The following CWC22 variants were observed in gnomAD, a reference collection of about 807,000 sequenced individuals.
CWC22 encodes the protein pre-mRNA-splicing factor CWC22 homolog.
CWC22 carries 53 observed loss-of-function variants against 117.2 expected under a neutral mutation model. That is an observed-to-expected ratio of 0.45 (90% CI 0.36 to 0.57). The LOEUF (loss-of-function observed/expected upper bound fraction) is 0.57, where lower values mean the gene tolerates loss of function less well. Among genes scored for constraint, CWC22 ranks in the 20% least tolerant of loss-of-function variants. CWC22 has a pLI of 0.00. For missense variants in CWC22, 980 were observed against 1,068.8 expected, an observed-to-expected ratio of 0.92 and a Z score of 1.16; for synonymous variants, 360 against 355.6, an observed-to-expected ratio of 1.01 and a Z score of -0.14.
Position 179,967,977 on chromosome 2 carries a change from T to C in CWC22, c.1211-1995A>G, listed in dbSNP as rs115633649. Among the ~76,000 whole-genome samples the C allele has an allele frequency of 7.3e-3, 1,108 of 152,302 alleles. 20 individuals are homozygous for C. The highest frequency in any genetic ancestry group is 0.025 in the African/African-American group (1,042 of 41,572). ...GAAAACATTAGGGTTTTCAAGAATT[T>C]TGAAAAACCTATATCCATCTCTGTG... is the stretch of plus-strand genomic sequence containing the variant. On this transcript the variant is annotated intron_variant, in intron 11 of 19. Coordinates refer to ENST00000410053, the MANE Select transcript of CWC22 (RefSeq NM_020943.3).
chr2:179,988,647 T>A lies in CWC22; in HGVS notation c.28-3A>T. On this transcript the variant is annotated splice_region_variant and splice_polypyrimidine_tract_variant and intron_variant, in intron 2 of 19. Transcript: ENST00000410053. ...CTTCTGTCATGACCAGAAGAAGGCT[T>A]TAAAAGAGGAAAAGGGGAAAACATT... is the stretch of plus-strand genomic sequence containing the variant. The A allele has an allele frequency of 3.4e-6, 5 of 1,479,658 alleles. No individual in the cohort carries two copies. Among genetic ancestry groups the A allele is most frequent in the Non-Finnish European group, 4.6e-6 (5 of 1,097,428 alleles). 91.7% of individuals were successfully genotyped at this position (1,479,658 alleles called of 1,614,324 possible).
rs747840447 is a variant in CWC22 at position 179,964,550 on chromosome 2, G to A, written c.1394C>T (p.Ser465Leu). Residue 465 changes from serine to leucine, a missense_variant, in exon 13 of 20, where the codon TCA becomes TTA. Transcript: ENST00000410053. ...FRRTIYLAIQ[S>L]SLDFEECAHK... ...GAACTGAGATATGATGCCTTACCTTGACTGAATAGCAAGATAAATTGTACG... is the reference window on the plus strand; with the variant it reads ...GAACTGAGATATGATGCCTTACCTTAACTGAATAGCAAGATAAATTGTACG... 2.6e-5 allele frequency: 40 copies of A among 1,541,844 alleles called. No homozygotes were observed. Among genetic ancestry groups the A allele is most frequent in the Non-Finnish European group, 1.3e-5 (15 of 1,130,910 alleles).
intron 13 of CWC22, among the ~76,000 whole-genome samples, chr2:179,959,959 AAACC>A (rs1347392481): frequency 6.6e-6 from 1 of 152,078 alleles, no homozygotes; most frequent in African/African-American, 2.4e-5. Context: ...TTACTTTCTC[AAACC>A]AACCAACTTC....
chr2:180,006,649 C>CATTAATAGTGCCA (rs1403609612), intron 1 of CWC22, among the ~76,000 whole-genome samples: 16 of 152,172 alleles, frequency 1.1e-4, no homozygotes, highest in African/African-American at 3.4e-4. Context: ...AACTAGATCT[C>CATTAATAGTGCCA]ATTAATCCCA....
intron 6 of CWC22, among the ~76,000 whole-genome samples, chr2:179,976,483 A>G (rs1200979657): frequency 1.8e-5 from 2 of 108,486 alleles, no homozygotes; most frequent in African/African-American, 7.4e-5. Flanking sequence ...GATGACCTAC[A>G]GAATGGGAGA....
intron 4 of CWC22, among the ~76,000 whole-genome samples, chr2:179,986,434 A>G (rs113741594): frequency 2.0e-3 from 312 of 152,236 alleles, no homozygotes; most frequent in African/African-American, 6.9e-3. Flanking sequence ...GCTTGCCACT[A>G]TTATGTTTCA....
chr2:180,006,488 G>C (rs534898589), intron 1 of CWC22, among the ~76,000 whole-genome samples: 2 of 152,296 alleles, frequency 1.3e-5, no homozygotes, highest in South Asian at 2.1e-4. Context: ...GAGAAGCGAA[G>C]TGTCTTCAAG....
Position 179,962,735 on chromosome 2 carries a change from T to C in CWC22, c.1397+1812A>G, listed in dbSNP as rs188757120. Among the ~76,000 whole-genome samples, 49 of 152,152 alleles carry C rather than the reference T, an allele frequency of 3.2e-4. No homozygotes were observed. In the East Asian group the frequency reaches 8.9e-3, roughly 28 times the overall value. ...TAATAAAAACAAGGGTCAAATAGCATGAACAAAAAGCCCTTGATTCACATT... is the reference window on the plus strand; with the variant it reads ...TAATAAAAACAAGGGTCAAATAGCACGAACAAAAAGCCCTTGATTCACATT... On this transcript the variant is annotated intron_variant, in intron 13 of 19. Transcript: ENST00000410053.
At chr2:179,961,469 T>C (rs1179358332) in intron 13 of CWC22, among the ~76,000 whole-genome samples, 1 of 152,020 alleles carries the variant, frequency 6.6e-6, no homozygotes, top group East Asian at 1.9e-4. Flanking sequence ...AGAGATTATA[T>C]AACAGATAAT....
intron 4 of CWC22, among the ~76,000 whole-genome samples, chr2:179,985,895 A>G (rs1342756825): frequency 6.6e-6 from 1 of 152,068 alleles, no homozygotes; most frequent in Non-Finnish European, 1.5e-5. Context: ...TTCCCCATGG[A>G]TAAGTGGGGA....
chr2:179,975,486 A>G (rs1217047586), intron 6 of CWC22, among the ~76,000 whole-genome samples: 8 of 152,258 alleles, frequency 5.3e-5, no homozygotes, highest in Admixed American at 5.2e-4. Context: ...AATCAAAAAT[A>G]GAGAAGCCTG....
chr2:179,948,452 A>G (rs1686364099), intron 19 of CWC22, among the ~76,000 whole-genome samples: 1 of 152,162 alleles, frequency 6.6e-6, no homozygotes, highest in African/African-American at 2.4e-5. Flanking sequence ...GCTGGAGGAA[A>G]AAGAGATTTG....
At chr2:180,005,306 G>A (rs1388935725) in intron 1 of CWC22, among the ~76,000 whole-genome samples, 2 of 152,216 alleles carry the variant, frequency 1.3e-5, no homozygotes, top group African/African-American at 2.4e-5. Context: ...AGCCGGGAGC[G>A]GTGGCTCACG....
chr2:179,973,869 T>A, intron 6 of CWC22, 67 bp from the exon 7 acceptor site: 1 of 865,036 alleles, frequency 1.2e-6, no homozygotes, highest in Non-Finnish European at 1.7e-6. Flanking sequence ...AAACAAAAAC[T>A]ATTAAAATTC....
In CWC22 at chr2:179,949,336, A is replaced by C. The variant is rs185721780; in HGVS notation, c.2140+1176T>G. ...GTAAAGAAAACCTACAAATCAACAG[A>C]GAAAACAACTTAACTAAAAAAAATT... On this transcript the variant is annotated intron_variant, in intron 19 of 19. Coordinates refer to ENST00000410053, the MANE Select transcript of CWC22 (RefSeq NM_020943.3). Among the ~76,000 whole-genome samples the C allele has an allele frequency of 1.9e-3, 285 of 152,360 alleles. 1 individual carries two copies. The highest frequency in any genetic ancestry group is 2.4e-3 in the Non-Finnish European group (161 of 68,038).
In CWC22 at chr2:179,970,870, GA is replaced by G; in HGVS notation, c.941-15del. ...GTTCAAATATAGCTAAAAGTTAACA[GA>G]AAGAAAAGACAATAAAATAAGCAAT... On this transcript the variant is annotated splice_polypyrimidine_tract_variant and intron_variant, in intron 9 of 19. Coordinates refer to ENST00000410053, the MANE Select transcript of CWC22 (RefSeq NM_020943.3). 1.2e-6 allele frequency: 2 copies of G among 1,610,068 alleles called. No homozygotes were observed. The highest frequency in any genetic ancestry group is 1.7e-6 in the Non-Finnish European group (2 of 1,177,054).
intron 6 of CWC22, among the ~76,000 whole-genome samples, chr2:179,974,326 C>T (rs758823810): frequency 2.6e-5 from 4 of 151,906 alleles, no homozygotes; most frequent in Admixed American, 6.6e-5. Flanking sequence ...AATAAAGAAA[C>T]GAATTAAAAG....
chr2:179,950,786 T>C, intron 18 of CWC22, 39 bp downstream of exon 18: 1 of 1,600,924 alleles, frequency 6.2e-7, no homozygotes. Context: ...TATGAGATAA[T>C]TTTATAATCT....
chr2:179,990,546 CAGAGAGAGAG>C (rs3082436), intron 2 of CWC22, among the ~76,000 whole-genome samples: 39 of 144,942 alleles, frequency 2.7e-4, no homozygotes, highest in African/African-American at 6.7e-4. Context: ...GTGAGACAGA[CAGAGAGAGAG>C]AGAGAGAGAG....
Sources: allele counts gnomAD v4.1 joint callset (sites outside exome capture counted in the v4.1 genomes callset), GRCh38; gene constraint gnomAD v4.1.1; transcripts MANE v1.5; gene names NCBI Gene and HGNC (gene_info 2026-07-23, HGNC 2026-07-21).